LAMP5: variants seen among roughly 807,000 people sequenced by gnomAD.
LAMP5 encodes the protein lysosome-associated membrane glycoprotein 5.
LAMP5 carries 36 observed loss-of-function variants against 30.2 expected under a neutral mutation model. That is an observed-to-expected ratio of 1.19 (90% CI 0.91 to 1.57). LAMP5 has a LOEUF of 1.57. Among genes scored for constraint, LAMP5 ranks in the 40% most tolerant of loss-of-function variants. LAMP5 has a pLI of 0.00. For missense variants in LAMP5, 377 were observed against 354.9 expected (o/e 1.06, Z -0.50); for synonymous variants, 149 against 134.6 (o/e 1.11, Z -0.74).
At position 9,514,794 on chromosome 20, in the gene LAMP5, A is replaced by G; in HGVS notation, c.-59A>G. The G allele has an allele frequency of 6.5e-7, 1 of 1,546,162 alleles. No individual in the cohort carries two copies. Among genetic ancestry groups the G allele is most frequent in the African/African-American group, 1.4e-5 (1 of 73,398 alleles). On this transcript the variant is annotated 5_prime_UTR_variant, in exon 1 of 6. Transcript: ENST00000246070. ...CCCACTCCAGCGGCGACTTTGAGGG[A>G]TTCCCTCTCTGGCGGCCTCTGCAGC...
chr20:9,520,697 A>G (rs2045074482), intron 5 of LAMP5, among the ~76,000 whole-genome samples: 1 of 151,964 alleles, frequency 6.6e-6, no homozygotes, highest in African/African-American at 2.4e-5. Context: ...AGGGGGTCAT[A>G]CCTGGCACTC....
chr20:9,529,961 TTGTGTCCA>T lies in LAMP5; in HGVS notation c.*144_*151del. ...CCTGGGTATCTGAGGCTTGCTTGGC[TTGTGTCCA>T]TGCTTAAACCCACGGAAGGGGGAGA... On this transcript the variant is annotated 3_prime_UTR_variant, in exon 6 of 6. Coordinates refer to ENST00000246070, the MANE Select transcript of LAMP5 (RefSeq NM_012261.4). 1.2e-6 allele frequency: 1 copy of T among 820,312 alleles called. No individual in the cohort carries two copies. The highest frequency in any genetic ancestry group is 1.9e-6 in the Non-Finnish European group (1 of 535,368). 50.8% of individuals were successfully genotyped at this position (820,312 alleles called of 1,614,324 possible). A position where few individuals can be genotyped will look rare whatever the true frequency, so the allele number is the denominator to read the frequency against.
In LAMP5 at chr20:9,520,765, C is replaced by T. The variant is rs556721034; in HGVS notation, c.664+2537C>T. ...AAAATCAAGGTAGTGTCCACGAAGT[C>T]GGTAAGTGGACACTCACAAGGGCTG... On this transcript the variant is annotated intron_variant, in intron 5 of 5. Transcript: ENST00000246070. 3.3e-5 allele frequency among the ~76,000 whole-genome samples: 5 copies of T among 152,210 alleles called. No homozygotes were observed. The East Asian group carries it at 5.8e-4, about 18-fold the overall frequency.
chr20:9,518,547 TCTCTCCCC>T (rs2045058790), intron 5 of LAMP5, among the ~76,000 whole-genome samples: 1 of 152,178 alleles, frequency 6.6e-6, no homozygotes, highest in Non-Finnish European at 1.5e-5. Context: ...CATCTTTCCC[TCTCTCCCC>T]ATCTTCTTTC....
chr20:9,523,987 T>G (rs1286360108), intron 5 of LAMP5, among the ~76,000 whole-genome samples: 3 of 152,228 alleles, frequency 2.0e-5, no homozygotes, highest in African/African-American at 7.2e-5. Context: ...TTTCTTTGTT[T>G]ATAAATGAAG....
rs1057286144 is a variant in LAMP5 at position 9,518,064 on chromosome 20, A to T, written c.500A>T (p.His167Leu). 6.2e-7 allele frequency: 1 copy of T among 1,613,788 alleles called. No homozygotes were observed. Among genetic ancestry groups the T allele is most frequent in the African/African-American group, 1.3e-5 (1 of 74,858 alleles). The change falls in exon 5 of 6, where the codon CAC (histidine) becomes CTC (leucine). Residue 167 changes from histidine (H) to leucine (L), a missense_variant. His to Leu is a moderately conservative substitution (Grantham distance 99, BLOSUM62 -3). Coordinates refer to ENST00000246070, the MANE Select transcript of LAMP5 (RefSeq NM_012261.4). ...GCTGGGAAGCACACAGCCAACTCGC[A>T]CCACCTCTCTGCCTTGGTCACCCCC... ...VSAGKHTANS[H>L]HLSALVTPAG...
At chr20:9,525,880 C>A (rs1227060293) in intron 5 of LAMP5, among the ~76,000 whole-genome samples, 1 of 152,234 alleles carries the variant, frequency 6.6e-6, no homozygotes, top group Non-Finnish European at 1.5e-5. Context: ...AGACACAGCT[C>A]TTTCTCCATT....
chr20:9,522,337 A>G (rs374524587), intron 5 of LAMP5, among the ~76,000 whole-genome samples: 15 of 152,298 alleles, frequency 9.8e-5, no homozygotes, highest in African/African-American at 3.1e-4. Context: ...CCAGCCCCCC[A>G]GTAGAGCGTC....
At position 9,514,688 on chromosome 20, in the gene LAMP5, C is replaced by CA; in HGVS notation, c.-164dup. Reference sequence around the variant, plus strand: ...CAGCAGCTGTCGGTGCCGCGCTCGACACCGAGTCCTAGCTAGGCGCTCACA... The same window carrying CA: ...CAGCAGCTGTCGGTGCCGCGCTCGACAACCGAGTCCTAGCTAGGCGCTCACA... On this transcript the variant is annotated 5_prime_UTR_variant, in exon 1 of 6. Transcript: ENST00000246070. The CA allele has an allele frequency of 1.6e-6, 1 of 618,448 alleles. No homozygotes were observed. Among genetic ancestry groups the CA allele is most frequent in the South Asian group, 1.9e-5 (1 of 51,504 alleles). The allele number at this position is 618,448 out of a possible 1,614,324, so 38.3% of individuals were successfully genotyped here. A position where few individuals can be genotyped will look rare whatever the true frequency, so the allele number is the denominator to read the frequency against.
At chr20:9,515,405 G>T (rs771008025) in intron 1 of LAMP5, 48 bp from the exon 2 acceptor site, 9 of 1,566,104 alleles carry the variant, frequency 5.7e-6, no homozygotes, top group African/African-American at 4.1e-5. Context: ...CGCCCGAGAC[G>T]CGTGGGCTGA....
intron 4 of LAMP5, 62 bp from the exon 5 acceptor site, chr20:9,517,978 C>G: frequency 7.3e-7 from 1 of 1,371,342 alleles, no homozygotes; most frequent in Non-Finnish European, 1.0e-6. Flanking sequence ...ATAGCCAGCT[C>G]TCTGGCACAT....
rs1002620400 is a variant in LAMP5 at position 9,516,199 on chromosome 20, G to T, written c.370-57G>T. On this transcript the variant is annotated intron_variant, in intron 3 of 5. Transcript: ENST00000246070. ...TGGGTGTGGGAAGTGGCGGCCCCTA[G>T]GTTTAAGAACCCAGACGCTGCGGGG... 5 of 1,608,576 alleles carry T rather than the reference G, an allele frequency of 3.1e-6. No individual in the cohort carries two copies. The African/African-American group carries it at 5.4e-5, about 17-fold the overall frequency.
intron 5 of LAMP5, among the ~76,000 whole-genome samples, chr20:9,526,157 G>A (rs1037794659): frequency 1.3e-5 from 2 of 152,094 alleles, no homozygotes; most frequent in Non-Finnish European, 2.9e-5. Context: ...AAGGTCCTGA[G>A]GGCTTTGCTA....
At chr20:9,520,241 C>T (rs1053612167) in intron 5 of LAMP5, among the ~76,000 whole-genome samples, 13 of 152,246 alleles carry the variant, frequency 8.5e-5, no homozygotes, top group African/African-American at 2.9e-4. Context: ...CCCAGGCTTA[C>T]GCCTTGACAT....
intron 5 of LAMP5, among the ~76,000 whole-genome samples, chr20:9,526,835 G>T (rs920613165): frequency 3.6e-4 from 35 of 97,052 alleles, no homozygotes; most frequent in South Asian, 9.7e-4. Context: ...GTATTATATA[G>T]ATACATATAC....
chr20:9,528,486 T>G (rs2045128955), intron 5 of LAMP5, among the ~76,000 whole-genome samples: 1 of 152,168 alleles, frequency 6.6e-6, no homozygotes, highest in East Asian at 1.9e-4. Flanking sequence ...AGTGAGGACT[T>G]GAAACATTGT....
chr20:9,515,758 C>T lies in LAMP5; in HGVS notation c.237+133C>T, dbSNP rs142859233. The T allele has an allele frequency of 7.2e-3, 7,576 of 1,058,894 alleles. 35 individuals carry two copies. The highest frequency in any genetic ancestry group is 8.2e-3 in the Non-Finnish European group (5,955 of 723,668). The allele number at this position is 1,058,894 out of a possible 1,614,324, so 65.6% of individuals were successfully genotyped here. On this transcript the variant is annotated intron_variant, in intron 2 of 5. Transcript: ENST00000246070. ...CCCGGCAGGCTGCTCCCGAATGCTG[C>T]ATGGGGATTCCAGCTTGTAATGCCT...
In LAMP5 at chr20:9,516,134, A is replaced by G; in HGVS notation, c.369+3A>G. ...CACTCAAAATGCTCTTTGTAAAGGT[A>G]ACTCCGAGCCCAGCGGGCAGAGGGG... On this transcript the variant is annotated splice_donor_region_variant and intron_variant, in intron 3 of 5. Transcript: ENST00000246070. 6.4e-7 allele frequency: 1 copy of G among 1,566,730 alleles called. No individual in the cohort carries two copies. Among genetic ancestry groups the G allele is most frequent in the Non-Finnish European group, 8.6e-7 (1 of 1,158,524 alleles).
chr20:9,516,077 G>T lies in LAMP5; in HGVS notation c.315G>T (p.Glu105Asp). 1.3e-6 allele frequency: 2 copies of T among 1,548,988 alleles called. No individual in the cohort carries two copies. Among genetic ancestry groups the T allele is most frequent in the Non-Finnish European group, 1.7e-6 (2 of 1,154,212 alleles). ...GCCGCTGTGGCCACAGCCAGTCGGA[G>T]CTGCAAGTGTTCTGGGTGGATCGCG... ...VKGRCGHSQSELQVFWVDRAY... is the reference protein window; with the variant it reads ...VKGRCGHSQSDLQVFWVDRAY... Residue 105 changes from glutamate to aspartate, a missense_variant, in exon 3 of 6, where the codon GAG (glutamate) becomes GAT (aspartate). By Grantham distance (45) the Glu-to-Asp change is conservative. Coordinates refer to ENST00000246070, the MANE Select transcript of LAMP5 (RefSeq NM_012261.4).
Sources: gnomAD v4.1 joint callset for allele counts (sites outside exome capture counted in the v4.1 genomes callset) on GRCh38, gnomAD v4.1.1 for gene constraint, MANE v1.5 for transcripts, NCBI Gene and HGNC (gene_info 2026-07-23, HGNC 2026-07-21) for gene names.